Variants in DYNC1LI1 observed in about 807,000 individuals in gnomAD.
The protein encoded by DYNC1LI1 is cytoplasmic dynein 1 light intermediate chain 1.
In DYNC1LI1, 19 loss-of-function variants were observed where a neutral mutation model predicts 63.8. The observed-to-expected ratio is 0.30, with a 90% CI of 0.21 to 0.44. The LOEUF (loss-of-function observed/expected upper bound fraction) is 0.44. Ranked by LOEUF, DYNC1LI1 falls within the 20% of genes least tolerant of loss-of-function variation. The probability of loss-of-function intolerance (pLI) is 1.00; values close to 1 mark genes in which losing one functional copy is unlikely to be tolerated. For missense variants in DYNC1LI1, 565 were observed against 630.2 expected, an observed-to-expected ratio of 0.90 and a Z score of 1.11; for synonymous variants, 225 against 232.3, an observed-to-expected ratio of 0.97 and a Z score of 0.28.
At chr3:32,538,236 G>T (rs2125434273) in intron 5 of DYNC1LI1, among the ~76,000 whole-genome samples, 1 of 145,568 alleles carries the variant, frequency 6.9e-6, no homozygotes, top group Middle Eastern at 3.6e-3. Context: ...CCACAAAAAT[G>T]AAAATAAAAA....
chr3:32,541,952 T>C (rs187281179), intron 4 of DYNC1LI1, among the ~76,000 whole-genome samples: 49 of 152,264 alleles, frequency 3.2e-4, no homozygotes, highest in Non-Finnish European at 5.4e-4. Flanking sequence ...TAGCATAGGA[T>C]TAAAATAGTA....
chr3:32,561,650 GTA>G (rs1314870981), intron 2 of DYNC1LI1, among the ~76,000 whole-genome samples: 2 of 150,836 alleles, frequency 1.3e-5, no homozygotes, highest in African/African-American at 4.9e-5. Context: ...AAGTAAAATA[GTA>G]TAACTTTCCT....
chr3:32,526,702 G>T lies in DYNC1LI1; in HGVS notation c.*97C>A. ...ACGACATAAATTTAGTCCATCTGAA[G>T]AAGCACTCCAGCTTTCTAATTCCAC... On this transcript the variant is annotated 3_prime_UTR_variant, in exon 13 of 13. Coordinates refer to ENST00000273130, the MANE Select transcript of DYNC1LI1 (RefSeq NM_016141.4). The T allele has an allele frequency of 1.2e-6, 1 of 863,916 alleles. No individual in the cohort carries two copies. Among genetic ancestry groups the T allele is most frequent in the Non-Finnish European group, 1.9e-6 (1 of 532,210 alleles). The allele number at this position is 863,916 out of a possible 1,614,324, so 53.5% of individuals were successfully genotyped here.
chr3:32,557,768 T>A (rs1340359920), intron 2 of DYNC1LI1, among the ~76,000 whole-genome samples: 1 of 152,152 alleles, frequency 6.6e-6, no homozygotes, highest in East Asian at 1.9e-4. Flanking sequence ...ATAATCCAGC[T>A]ACCTATCTTC....
intron 5 of DYNC1LI1, among the ~76,000 whole-genome samples, chr3:32,540,225 A>G (rs1697861573): frequency 1.3e-5 from 2 of 152,262 alleles, no homozygotes; most frequent in South Asian, 2.1e-4. Context: ...ATACAGTGAA[A>G]TAACCAATAA....
chr3:32,562,764 A>G (rs1251464754), intron 2 of DYNC1LI1, among the ~76,000 whole-genome samples: 1 of 152,198 alleles, frequency 6.6e-6, no homozygotes, highest in African/African-American at 2.4e-5. Context: ...TTTTAATCCC[A>G]TGATGCATGA....
chr3:32,560,745 T>C (rs975235984), intron 2 of DYNC1LI1, among the ~76,000 whole-genome samples: 2 of 151,906 alleles, frequency 1.3e-5, no homozygotes, highest in African/African-American at 4.8e-5. Flanking sequence ...GGCTCATGCC[T>C]GTAATCCCAG....
At chr3:32,546,724 A>G (rs920326940) in intron 2 of DYNC1LI1, among the ~76,000 whole-genome samples, 3 of 152,174 alleles carry the variant, frequency 2.0e-5, no homozygotes, top group Admixed American at 6.6e-5. Flanking sequence ...CACATCAATC[A>G]GTTCCCTGTA....
At chr3:32,560,619 A>G (rs1200467976) in intron 2 of DYNC1LI1, among the ~76,000 whole-genome samples, 4 of 152,096 alleles carry the variant, frequency 2.6e-5, no homozygotes, top group Non-Finnish European at 4.4e-5. Flanking sequence ...TGGATTGATC[A>G]TTCAGCAATT....
At chr3:32,570,277 T>C (rs1474326838) in intron 2 of DYNC1LI1, 69 bp downstream of exon 2, 36 of 1,288,556 alleles carry the variant, frequency 2.8e-5, no homozygotes, top group Admixed American at 4.0e-5. Flanking sequence ...GCCAGCGAGC[T>C]AGCCCGCGGA....
intron 2 of DYNC1LI1, among the ~76,000 whole-genome samples, chr3:32,558,621 C>T (rs1029099640): frequency 1.3e-5 from 2 of 151,664 alleles, no homozygotes; most frequent in African/African-American, 4.8e-5. Context: ...CGAGGCGGGC[C>T]GATCATCTGA....
chr3:32,548,728 C>A (rs1697992304), intron 2 of DYNC1LI1, among the ~76,000 whole-genome samples: 1 of 152,046 alleles, frequency 6.6e-6, no homozygotes, highest in Non-Finnish European at 1.5e-5. Flanking sequence ...TGAAAAATGC[C>A]AAGAGATTAG....
In DYNC1LI1 at chr3:32,530,331, G is replaced by GAAAAA. The variant is rs35467710; in HGVS notation, c.1141-8_1141-4dup. Reference sequence around the variant, plus strand: ...GGTGGTTGCTTTGCTAAAAGGGACTGAAAAAAAAAAAAAAAAAGAATCCTA... The same window carrying GAAAAA: ...GGTGGTTGCTTTGCTAAAAGGGACTGAAAAAAAAAAAAAAAAAAAAAAGAATCCTA... On this transcript the variant is annotated splice_region_variant and splice_polypyrimidine_tract_variant and intron_variant, in intron 9 of 12. Transcript: ENST00000273130. 10 of 1,426,408 alleles carry GAAAAA rather than the reference G, an allele frequency of 7.0e-6. No homozygotes were observed. The highest frequency in any genetic ancestry group is 5.1e-5 in the South Asian group (4 of 79,006). 88.4% of individuals were successfully genotyped at this position (1,426,408 alleles called of 1,614,324 possible). A position where few individuals can be genotyped will look rare whatever the true frequency, so the allele number is the denominator to read the frequency against.
chr3:32,546,532 A>G (rs1340255166), intron 2 of DYNC1LI1, among the ~76,000 whole-genome samples: 2 of 152,208 alleles, frequency 1.3e-5, no homozygotes, highest in African/African-American at 4.8e-5. Context: ...AGGAGATGAG[A>G]AGGTAAAGTG....
intron 10 of DYNC1LI1, 85 bp from the exon 11 acceptor site, chr3:32,529,745 G>C (rs1697669941): frequency 1.6e-6 from 2 of 1,219,724 alleles, no homozygotes; most frequent in Admixed American, 5.1e-5. Context: ...AAATTACTTT[G>C]CAACTATCCC....
chr3:32,529,133 A>G (rs908557442), intron 11 of DYNC1LI1, among the ~76,000 whole-genome samples: 1 of 152,246 alleles, frequency 6.6e-6, no homozygotes, highest in Admixed American at 6.5e-5. Context: ...GCAAAGTTGA[A>G]TAATCATTTG....
chr3:32,528,628 C>A, intron 11 of DYNC1LI1, 27 bp from the exon 12 acceptor site: 1 of 1,579,132 alleles, frequency 6.3e-7, no homozygotes. Flanking sequence ...AAACAAAAAG[C>A]TTTAGCCAAA....
chr3:32,570,501 G>A (rs1698333621), intron 1 of DYNC1LI1, 82 bp from the exon 2 acceptor site: 3 of 1,480,240 alleles, frequency 2.0e-6, no homozygotes, highest in Admixed American at 2.3e-5. Context: ...GGCGCGCCGG[G>A]GATGGGGCTG....
chr3:32,570,257 C>T, intron 2 of DYNC1LI1, 89 bp downstream of exon 2: 1 of 1,097,844 alleles, frequency 9.1e-7, no homozygotes, highest in Non-Finnish European at 1.3e-6. Flanking sequence ...CGGCTGTCCG[C>T]ACAAAGAGAG....
Sources: gnomAD v4.1 joint callset for allele counts (sites outside exome capture counted in the v4.1 genomes callset) on GRCh38, gnomAD v4.1.1 for gene constraint, MANE v1.5 for transcripts, NCBI Gene and HGNC (gene_info 2026-07-23, HGNC 2026-07-21) for gene names.